NREP: variants seen among roughly 807,000 people sequenced by gnomAD.
NREP encodes the protein neuronal regeneration related protein, also known as neuronal regeneration-related protein.
In NREP, 5 loss-of-function variants were observed where a neutral mutation model predicts 8.6. That is an observed-to-expected ratio of 0.58 (90% confidence interval 0.30 to 1.22). The LOEUF (loss-of-function observed/expected upper bound fraction) is 1.22, where lower values mean the gene tolerates loss of function less well. Among genes scored for constraint, NREP ranks in the 50% most tolerant of loss-of-function variants. NREP has a pLI of 0.07. For missense variants in NREP, 86 were observed against 82.5 expected (o/e 1.04, Z -0.17); for synonymous variants, 27 against 28.0 (o/e 0.96, Z 0.11).
chr5:111,847,509 C>T (rs1363062843), intron 2 of NREP, among the ~76,000 whole-genome samples: 1 of 152,124 alleles, frequency 6.6e-6, no homozygotes, highest in Non-Finnish European at 1.5e-5. Context: ...TTACATTTAA[C>T]AAACTAATGT....
chr5:111,783,167 C>T (rs1358968262), intron 2 of NREP, among the ~76,000 whole-genome samples: 2 of 152,310 alleles, frequency 1.3e-5, no homozygotes, highest in African/African-American at 4.8e-5. Context: ...TTATCAACTA[C>T]ATAGTCACAG....
At chr5:111,953,815 G>T (rs1333585989) in intron 2 of NREP, among the ~76,000 whole-genome samples, 1 of 152,026 alleles carries the variant, frequency 6.6e-6, no homozygotes, top group Non-Finnish European at 1.5e-5. Context: ...TCGGTTGAAG[G>T]ACCAGTGTAG....
intron 2 of NREP, among the ~76,000 whole-genome samples, chr5:111,827,122 C>A (rs1752648162): frequency 6.6e-6 from 1 of 152,144 alleles, no homozygotes; most frequent in Non-Finnish European, 1.5e-5. Flanking sequence ...TAGTAGTCGG[C>A]TTTCCCATGT....
In NREP at chr5:111,796,547, A is replaced by G. The variant is rs1000289496; in HGVS notation, c.136-61040T>C. Among the ~76,000 whole-genome samples, 7 of 152,326 alleles carry G rather than the reference A, an allele frequency of 4.6e-5. No homozygotes were observed. The South Asian group carries it at 1.2e-3, about 27-fold the overall frequency. On this transcript the variant is annotated intron_variant, in intron 2 of 3. Coordinates refer to the NREP transcript ENST00000395634. ...CTAAGGTCATCTGCTTACTCGTGTA[A>G]TTCTTATTTGCATCATATTATGAGA...
chr5:111,742,872 A>G (rs1749768611), intron 2 of NREP, among the ~76,000 whole-genome samples: 1 of 152,138 alleles, frequency 6.6e-6, no homozygotes, highest in Admixed American at 6.6e-5. Context: ...CAAAAAAGGG[A>G]GTCACTGATC....
chr5:111,797,359 G>C (rs1268378704), intron 2 of NREP, among the ~76,000 whole-genome samples: 1 of 152,128 alleles, frequency 6.6e-6, no homozygotes, highest in African/African-American at 2.4e-5. Context: ...AGGAATACTA[G>C]TCCAATTGTT....
intron 2 of NREP, among the ~76,000 whole-genome samples, chr5:111,813,917 C>T (rs1752324809): frequency 6.6e-6 from 1 of 152,010 alleles, no homozygotes; most frequent in African/African-American, 2.4e-5. Context: ...ACCTGCTATC[C>T]TTTTGTGTGC....
intron 3 of NREP, chr5:111,732,234 G>T (rs1211154448): frequency 6.6e-6 from 1 of 152,090 alleles, no homozygotes. Flanking sequence ...TAAGAATTCA[G>T]AAACCAGTAA....
intron 2 of NREP, among the ~76,000 whole-genome samples, chr5:111,906,358 C>A (rs1244359258): frequency 6.6e-6 from 1 of 151,882 alleles, no homozygotes; most frequent in Non-Finnish European, 1.5e-5. Context: ...AACTTTATTA[C>A]GAAATTGATG....
intron 2 of NREP, among the ~76,000 whole-genome samples, chr5:111,840,396 C>T (rs1753001126): frequency 6.6e-6 from 1 of 152,038 alleles, no homozygotes; most frequent in Admixed American, 6.6e-5. Flanking sequence ...CTACAGCTAC[C>T]ATAGCCATTA....
At chr5:111,872,033 T>C (rs1038595198) in intron 2 of NREP, among the ~76,000 whole-genome samples, 27 of 150,356 alleles carry the variant, frequency 1.8e-4, no homozygotes, top group East Asian at 3.9e-4. Context: ...TATATATATA[T>C]ACAATCTATA....
At chr5:111,866,635 C>A (rs1342232909) in intron 2 of NREP, among the ~76,000 whole-genome samples, 1 of 152,082 alleles carries the variant, frequency 6.6e-6, no homozygotes, top group Non-Finnish European at 1.5e-5. Flanking sequence ...CCCAGCCATC[C>A]CATTACTGGG....
intron 2 of NREP, chr5:111,738,675 A>C (rs1404147460): frequency 6.6e-6 from 1 of 152,290 alleles, no homozygotes; most frequent in Non-Finnish European, 1.5e-5. Context: ...GGGCAGGTAC[A>C]GCAGGGGTGA....
At chr5:111,937,290 T>G (rs1755710825) in intron 2 of NREP, among the ~76,000 whole-genome samples, 1 of 152,108 alleles carries the variant, frequency 6.6e-6, no homozygotes, top group African/African-American at 2.4e-5. Flanking sequence ...ATAACTGTCT[T>G]TCTCACTGGA....
At chr5:111,841,847 C>G (rs546709225) in intron 2 of NREP, among the ~76,000 whole-genome samples, 1 of 152,154 alleles carries the variant, frequency 6.6e-6, no homozygotes, top group African/African-American at 2.4e-5. Context: ...TCAGCTTTTG[C>G]TTACTGCTAA....
chr5:111,926,473 C>T lies in NREP; in HGVS notation c.135+48801G>A, dbSNP rs77571016. On this transcript the variant is annotated intron_variant, in intron 2 of 3. Transcript: ENST00000395634. ...GGCAAAGAAAGCCTGTACATAGGGA[C>T]TTCAGACCATTTGCCCTTCCATCTA... Among the ~76,000 whole-genome samples, 3 of 152,206 alleles carry T rather than the reference C, an allele frequency of 2.0e-5. No homozygotes were observed. The East Asian group carries it at 5.8e-4, about 30-fold the overall frequency.
intron 2 of NREP, among the ~76,000 whole-genome samples, chr5:111,855,852 A>C (rs1753414580): frequency 6.6e-6 from 1 of 152,144 alleles, no homozygotes; most frequent in South Asian, 2.1e-4. Context: ...GTGAAAATGC[A>C]CACCAAATGT....
intron 2 of NREP, among the ~76,000 whole-genome samples, chr5:111,911,658 G>A (rs949116931): frequency 6.6e-6 from 1 of 152,066 alleles, no homozygotes; most frequent in Non-Finnish European, 1.5e-5. Flanking sequence ...TGACTCATAA[G>A]TGTGCTACTA....
chr5:111,788,140 T>C (rs1751656048), intron 2 of NREP, among the ~76,000 whole-genome samples: 2 of 152,054 alleles, frequency 1.3e-5, no homozygotes. Flanking sequence ...AAAAGAAACA[T>C]CAGCAAAAGT....
Sources: gnomAD v4.1 joint callset for allele counts (sites outside exome capture counted in the v4.1 genomes callset) on GRCh38, gnomAD v4.1.1 for gene constraint, MANE v1.5 for transcripts, NCBI Gene and HGNC (gene_info 2026-07-23, HGNC 2026-07-21) for gene names.